STK39: variants seen among roughly 807,000 people sequenced by gnomAD.
The protein encoded by STK39 is STE20/SPS1-related proline-alanine-rich protein kinase.
A neutral mutation model predicts 77.8 loss-of-function variants in STK39; 20 were observed. The ratio of observed to expected loss-of-function variants is 0.26; its 90% CI spans 0.18 to 0.37. The LOEUF is 0.37. Ranked by LOEUF, STK39 falls within the 10% of genes least tolerant of loss-of-function variation. The pLI, the probability that STK39 is intolerant of heterozygous loss-of-function variation, is 1.00. For missense variants in STK39, 479 were observed against 656.5 expected (o/e 0.73, Z 2.95); for synonymous variants, 246 against 234.1 (o/e 1.05, Z -0.47).
intron 5 of STK39, among the ~76,000 whole-genome samples, chr2:168,154,247 C>G (rs1238743255): frequency 6.6e-6 from 1 of 152,226 alleles, no homozygotes; most frequent in Non-Finnish European, 1.5e-5. Context: ...AAGCACAGTT[C>G]AGGAGCACAG....
chr2:167,970,758 C>A (rs1030021486), intron 16 of STK39, among the ~76,000 whole-genome samples: 2 of 152,228 alleles, frequency 1.3e-5, no homozygotes, highest in African/African-American at 4.8e-5. Flanking sequence ...TCAATCTCAG[C>A]AGCCATACTT....
At chr2:167,982,520 A>T (rs952783867) in intron 16 of STK39, among the ~76,000 whole-genome samples, 1 of 152,208 alleles carries the variant, frequency 6.6e-6, no homozygotes, top group Non-Finnish European at 1.5e-5. Flanking sequence ...AGGTATGTTT[A>T]TATCACTCTG....
intron 10 of STK39, among the ~76,000 whole-genome samples, chr2:168,086,938 A>G (rs1275715754): frequency 6.6e-6 from 1 of 152,230 alleles, no homozygotes; most frequent in African/African-American, 2.4e-5. Context: ...GGCAACAAAG[A>G]ACAATGGCAA....
At chr2:168,243,387 A>C (rs1442271138) in intron 1 of STK39, among the ~76,000 whole-genome samples, 2 of 152,232 alleles carry the variant, frequency 1.3e-5, no homozygotes, top group Non-Finnish European at 2.9e-5. Flanking sequence ...ACAGGAGAGA[A>C]ATAAAGCATT....
intron 10 of STK39, among the ~76,000 whole-genome samples, chr2:168,096,582 C>T (rs942343472): frequency 1.3e-5 from 2 of 152,322 alleles, no homozygotes; most frequent in Middle Eastern, 3.4e-3. Context: ...CTGTGTCCTA[C>T]ACCCAAGTAT....
chr2:168,177,682 A>G (rs1375325830), intron 2 of STK39, among the ~76,000 whole-genome samples: 1 of 152,182 alleles, frequency 6.6e-6, no homozygotes, highest in African/African-American at 2.4e-5. Flanking sequence ...GGAAGTCAAG[A>G]GTGCCCCAGG....
intron 17 of STK39, among the ~76,000 whole-genome samples, chr2:167,962,855 C>G (rs1692027417): frequency 6.6e-6 from 1 of 152,186 alleles, no homozygotes; most frequent in Non-Finnish European, 1.5e-5. Flanking sequence ...CTTCCAGACT[C>G]AGGATCTGTG....
intron 16 of STK39, among the ~76,000 whole-genome samples, chr2:167,981,428 T>A (rs990909528): frequency 6.6e-6 from 1 of 152,224 alleles, no homozygotes; most frequent in African/African-American, 2.4e-5. Context: ...TTGGTTTGGA[T>A]CAAGTATAAG....
intron 5 of STK39, 80 bp from the exon 6 acceptor site, chr2:168,140,838 T>C: frequency 8.5e-7 from 1 of 1,180,318 alleles, no homozygotes; most frequent in Non-Finnish European, 1.2e-6. Context: ...GCATGTCTCT[T>C]CTTTGTGAGC....
chr2:168,217,554 C>A (rs1013806239), intron 1 of STK39, among the ~76,000 whole-genome samples: 1 of 152,138 alleles, frequency 6.6e-6, no homozygotes, highest in Non-Finnish European at 1.5e-5. Context: ...AGTTGCCCCT[C>A]AGTATTCGTG....
chr2:168,247,194 C>G, intron 1 of STK39, 34 bp downstream of exon 1: 1 of 1,171,336 alleles, frequency 8.5e-7, no homozygotes, highest in Non-Finnish European at 1.1e-6. Context: ...CGGCGCCCGG[C>G]CTGTGCCGGC....
intron 16 of STK39, among the ~76,000 whole-genome samples, chr2:167,998,006 A>G (rs1413242242): frequency 6.6e-6 from 1 of 152,200 alleles, no homozygotes; most frequent in Non-Finnish European, 1.5e-5. Flanking sequence ...AATAATTTCT[A>G]TGTCATTCTA....
intron 1 of STK39, among the ~76,000 whole-genome samples, chr2:168,191,069 C>T (rs1371139909): frequency 1.3e-5 from 2 of 152,168 alleles, no homozygotes; most frequent in African/African-American, 4.8e-5. Context: ...CCTCAAGCCA[C>T]CTGTAAATGG....
intron 10 of STK39, among the ~76,000 whole-genome samples, chr2:168,123,890 A>C (rs1331922089): frequency 1.3e-5 from 2 of 148,922 alleles, no homozygotes; most frequent in Non-Finnish European, 3.0e-5. Flanking sequence ...AAAAAAAAAA[A>C]GTTAAAAACA....
chr2:168,094,802 T>C (rs372282890), intron 10 of STK39, among the ~76,000 whole-genome samples: 7 of 152,260 alleles, frequency 4.6e-5, no homozygotes, highest in African/African-American at 1.7e-4. Context: ...AGAAGACACC[T>C]TCAAACGGAA....
At chr2:168,014,497 AAACACCTTATAAAGT>A (rs1335811474) in intron 15 of STK39, among the ~76,000 whole-genome samples, 1 of 150,782 alleles carries the variant, frequency 6.6e-6, no homozygotes, top group Non-Finnish European at 1.5e-5. Flanking sequence ...AATAAAAAAA[AAACACCTTATAAAGT>A]CTCTTCATGA....
intron 17 of STK39, among the ~76,000 whole-genome samples, chr2:167,961,070 A>G (rs1170077833): frequency 6.6e-6 from 1 of 152,176 alleles, no homozygotes; most frequent in Non-Finnish European, 1.5e-5. Context: ...AGGCACAGAG[A>G]CATGGACCTT....
chr2:168,005,237 A>G (rs780170315), intron 16 of STK39, among the ~76,000 whole-genome samples: 2 of 151,894 alleles, frequency 1.3e-5, no homozygotes, highest in Non-Finnish European at 2.9e-5. Context: ...AACTCCTGAC[A>G]TCAAGTGATC....
chr2:168,208,695 T>C (rs1689805194), intron 1 of STK39, among the ~76,000 whole-genome samples: 1 of 152,216 alleles, frequency 6.6e-6, no homozygotes, highest in South Asian at 2.1e-4. Context: ...TGCACTACCC[T>C]GAAATAGGCA....
Sources: allele counts gnomAD v4.1 joint callset (sites outside exome capture counted in the v4.1 genomes callset), GRCh38; gene constraint gnomAD v4.1.1; transcripts MANE v1.5; gene names NCBI Gene and HGNC (gene_info 2026-07-23, HGNC 2026-07-21).